Variants in FNDC3A observed in about 807,000 individuals in gnomAD.
The protein encoded by FNDC3A is fibronectin type III domain containing 3A.
FNDC3A carries 32 observed loss-of-function variants against 148.9 expected under a neutral mutation model. That is an observed-to-expected ratio of 0.21 (90% CI 0.16 to 0.29). The LOEUF is 0.29. Among genes scored for constraint, FNDC3A ranks in the 10% least tolerant of loss-of-function variants. The pLI, the probability that FNDC3A is intolerant of heterozygous loss-of-function variation, is 1.00. For synonymous variants in FNDC3A, 472 were observed against 473.6 expected, an observed-to-expected ratio of 1.00 and a Z score of 0.04; for missense variants, 1,191 against 1,452.8, an observed-to-expected ratio of 0.82 and a Z score of 2.93.
rs1223295473 is a variant in FNDC3A at position 48,976,153 on chromosome 13, T to G, written c.-64T>G. ...AAGAGGCGCCAGAGGAGCCGCCTTC[T>G]GCCTCAGAACGGCGTGACTCGGAGG... On this transcript the variant is annotated 5_prime_UTR_variant, in exon 1 of 26. Transcript: ENST00000492622. 2.6e-5 allele frequency: 4 copies of G among 152,266 alleles called. No individual in the cohort carries two copies. The highest frequency in any genetic ancestry group is 1.9e-4 in the East Asian group (1 of 5,170). The allele number at this position is 152,266 out of a possible 1,614,324, so 9.4% of individuals were successfully genotyped here.
chr13:49,097,412 G>A (rs774773225), intron 3 of FNDC3A, among the ~76,000 whole-genome samples: 9 of 151,488 alleles, frequency 5.9e-5, no homozygotes, highest in East Asian at 1.9e-4. Context: ...TTGAGGAAAC[G>A]CCACCAAAGC....
chr13:49,127,770 C>G (rs1179826220), intron 4 of FNDC3A, among the ~76,000 whole-genome samples: 1 of 152,190 alleles, frequency 6.6e-6, no homozygotes, highest in Non-Finnish European at 1.5e-5. Flanking sequence ...CTGAAAAAAA[C>G]TTGTTCTACT....
intron 2 of FNDC3A, among the ~76,000 whole-genome samples, chr13:49,042,136 A>G (rs1055207752): frequency 8.5e-5 from 13 of 152,210 alleles, no homozygotes; most frequent in Admixed American, 6.5e-5. Flanking sequence ...GAAGAGCCAT[A>G]ATTTTAATAT....
At chr13:48,987,902 C>T (rs939881353) in intron 1 of FNDC3A, 1 of 152,126 alleles carries the variant, frequency 6.6e-6, no homozygotes, top group Non-Finnish European at 1.5e-5. Flanking sequence ...ATTTAAATAG[C>T]ATAAATTTGT....
At chr13:49,080,602 C>G (rs1878405764) in intron 3 of FNDC3A, among the ~76,000 whole-genome samples, 1 of 152,100 alleles carries the variant, frequency 6.6e-6, no homozygotes, top group Non-Finnish European at 1.5e-5. Context: ...AGTATTTTGC[C>G]TAGTAACTGG....
intron 25 of FNDC3A, among the ~76,000 whole-genome samples, chr13:49,205,794 T>C (rs1213529851): frequency 6.6e-6 from 1 of 152,242 alleles, no homozygotes; most frequent in African/African-American, 2.4e-5. Flanking sequence ...TTATATATTG[T>C]TATCAGCATC....
At chr13:49,204,774 G>A (rs1014756858) in intron 25 of FNDC3A, among the ~76,000 whole-genome samples, 6 of 152,044 alleles carry the variant, frequency 3.9e-5, no homozygotes, top group Non-Finnish European at 8.8e-5. Context: ...GTTTTCTTCA[G>A]TCCTGTATTT....
chr13:49,015,485 T>G (rs962322260), intron 2 of FNDC3A, among the ~76,000 whole-genome samples: 2 of 152,246 alleles, frequency 1.3e-5, no homozygotes, highest in Non-Finnish European at 2.9e-5. Context: ...CTTATCAGCT[T>G]AAGAAGATTT....
At chr13:49,111,720 C>T (rs958070329) in intron 3 of FNDC3A, among the ~76,000 whole-genome samples, 9 of 143,572 alleles carry the variant, frequency 6.3e-5, no homozygotes, top group Admixed American at 6.9e-5. Context: ...AGTAAAACTC[C>T]GTCTCAAAAA....
At chr13:49,162,866 T>A (rs1417287799) in intron 8 of FNDC3A, among the ~76,000 whole-genome samples, 1 of 151,660 alleles carries the variant, frequency 6.6e-6, no homozygotes. Context: ...AACAGTCAGG[T>A]CCCTCAGCTG....
intron 3 of FNDC3A, among the ~76,000 whole-genome samples, chr13:49,081,742 C>T (rs1425902105): frequency 1.3e-5 from 2 of 152,078 alleles, no homozygotes; most frequent in Admixed American, 6.5e-5. Context: ...AAACAAAGAC[C>T]TTATATTCTT....
At chr13:49,039,531 A>G (rs578148919) in intron 2 of FNDC3A, among the ~76,000 whole-genome samples, 5 of 152,066 alleles carry the variant, frequency 3.3e-5, no homozygotes, top group Non-Finnish European at 5.9e-5. Flanking sequence ...AATCTTATCT[A>G]TCCTCTTCTG....
Position 49,124,429 on chromosome 13 carries a change from G to A in FNDC3A, c.253-6708G>A, listed in dbSNP as rs541713112. On this transcript the variant is annotated intron_variant, in intron 4 of 25. Coordinates refer to ENST00000492622, the MANE Select transcript of FNDC3A (RefSeq NM_001079673.2). ...TGGGTGCAGCAAACCACCATGGCAC[G>A]TGTATACCTATGTAACAAACCTACA... is the stretch of plus-strand genomic sequence containing the variant. 4.2e-4 allele frequency among the ~76,000 whole-genome samples: 64 copies of A among 151,384 alleles called. No individual in the cohort carries two copies. The South Asian group carries it at 4.4e-3, about 10-fold the overall frequency.
Position 49,075,329 on chromosome 13 carries a change from TAAG to T in FNDC3A, c.145_147del (p.Arg49del), listed in dbSNP as rs763231030. ...GTTAACCCAGGAGAAGCATTTACAA[TAAG>T]AAGAGAAGATGGACAGTTTCAGTGC... On this transcript the variant is annotated inframe_deletion, in exon 3 of 26. Coordinates refer to ENST00000492622, the MANE Select transcript of FNDC3A (RefSeq NM_001079673.2). 1 of 1,603,740 alleles carries T rather than the reference TAAG, an allele frequency of 6.2e-7. No homozygotes were observed.
At chr13:49,174,356 A>C in intron 11 of FNDC3A, 79 bp from the exon 12 acceptor site, 1 of 1,176,678 alleles carries the variant, frequency 8.5e-7, no homozygotes, top group Non-Finnish European at 1.2e-6. Flanking sequence ...CTAATATGTA[A>C]CTGTCAAGAA....
At chr13:49,008,464 G>GTCT (rs66823523) in intron 2 of FNDC3A, among the ~76,000 whole-genome samples, 3 of 154 alleles carry the variant, frequency 0.019, no homozygotes, top group African/African-American at 0.038. Flanking sequence ...AGATGGAAGT[G>GTCT]TGCACAAGCA....
At chr13:49,061,360 T>TTCCCA (rs1876689934) in intron 2 of FNDC3A, among the ~76,000 whole-genome samples, 1 of 13,400 alleles carries the variant, frequency 7.5e-5, no homozygotes. Context: ...TTCCCTTACC[T>TTCCCA]TCCCTTCCCT....
chr13:49,087,367 A>G (rs771198565), intron 3 of FNDC3A, among the ~76,000 whole-genome samples: 12 of 152,154 alleles, frequency 7.9e-5, no homozygotes, highest in Non-Finnish European at 1.6e-4. Flanking sequence ...TAAAATGGAC[A>G]TAAAAGGATC....
rs146098029 is a variant in FNDC3A, at chr13:49,059,751, C to G, written c.100-15538C>G. Among the ~76,000 whole-genome samples, 125 of 152,340 alleles carry G rather than the reference C, an allele frequency of 8.2e-4. No homozygotes were observed. In the East Asian group the frequency reaches 0.022, roughly 27 times the overall value. ...GGATTACAGGCATGAGCCATCACAC[C>G]TGGCCTATAGAAACTATTTGTGAAT... On this transcript the variant is annotated intron_variant, in intron 2 of 25. Transcript: ENST00000492622.
Sources: gnomAD v4.1 joint callset for allele counts (sites outside exome capture counted in the v4.1 genomes callset) on GRCh38, gnomAD v4.1.1 for gene constraint, MANE v1.5 for transcripts, NCBI Gene and HGNC (gene_info 2026-07-23, HGNC 2026-07-21) for gene names.